Variants in FER observed in about 807,000 individuals in gnomAD.
FER encodes FER tyrosine kinase, also known as tyrosine-protein kinase Fer.
Under a neutral mutation model 111.0 loss-of-function variants are expected in FER, and 63 were observed. The ratio of observed to expected loss-of-function variants is 0.57; its 90% confidence interval spans 0.46 to 0.70. The LOEUF is 0.70. Ranked by LOEUF, FER falls within the 30% of genes least tolerant of loss-of-function variation. The probability of loss-of-function intolerance (pLI) is 0.00; values close to 1 mark genes in which losing one functional copy is unlikely to be tolerated. For synonymous variants in FER, 327 were observed against 313.9 expected (o/e 1.04, Z -0.44); for missense variants, 914 against 954.0 (o/e 0.96, Z 0.55).
chr5:109,100,125 T>G (rs1239714870), intron 16 of FER, among the ~76,000 whole-genome samples: 1 of 151,886 alleles, frequency 6.6e-6, no homozygotes, highest in East Asian at 1.9e-4. Context: ...AAAAGTATGA[T>G]TTTTGTATAT....
chr5:108,772,758 T>C (rs1002756351), intron 2 of FER, among the ~76,000 whole-genome samples: 2 of 152,208 alleles, frequency 1.3e-5, no homozygotes, highest in South Asian at 2.1e-4. Flanking sequence ...TAGTCAGCAA[T>C]TGAAATTCAA....
chr5:108,929,566 C>T (rs1177722344), intron 10 of FER, among the ~76,000 whole-genome samples: 1 of 151,642 alleles, frequency 6.6e-6, no homozygotes, highest in Non-Finnish European at 1.5e-5. Context: ...GTACATGATC[C>T]TTTTAAGGAA....
intron 11 of FER, among the ~76,000 whole-genome samples, chr5:108,946,492 CA>C (rs1362348754): frequency 6.6e-6 from 1 of 151,766 alleles, no homozygotes; most frequent in Admixed American, 6.6e-5. Flanking sequence ...TTACAATATA[CA>C]AATAATTATG....
intron 10 of FER, among the ~76,000 whole-genome samples, chr5:108,899,859 G>C (rs150484154): frequency 7.3e-4 from 111 of 151,804 alleles, no homozygotes; most frequent in African/African-American, 2.5e-3. Context: ...AATCATTGAA[G>C]AAAAGTTTTG....
At chr5:109,151,360 C>T (rs185412618) in intron 17 of FER, among the ~76,000 whole-genome samples, 110 of 152,070 alleles carry the variant, frequency 7.2e-4, no homozygotes, top group Non-Finnish European at 1.2e-3. Context: ...ACTCCAAAGA[C>T]CATAAAACAA....
intron 10 of FER, among the ~76,000 whole-genome samples, chr5:108,923,811 C>T (rs368272670): frequency 1.3e-5 from 2 of 152,008 alleles, no homozygotes; most frequent in African/African-American, 2.4e-5. Context: ...ATCATTTACA[C>T]ATAATTTATA....
chr5:108,797,578 T>C (rs565306720), intron 2 of FER, among the ~76,000 whole-genome samples: 1 of 152,328 alleles, frequency 6.6e-6, no homozygotes, highest in East Asian at 1.9e-4. Flanking sequence ...CCAAGCATAC[T>C]CTGTGCACCA....
chr5:108,883,136 A>G (rs958322427), intron 8 of FER, among the ~76,000 whole-genome samples: 1 of 151,968 alleles, frequency 6.6e-6, no homozygotes, highest in Non-Finnish European at 1.5e-5. Flanking sequence ...ACTCTAGACC[A>G]GTATTGCCCG....
chr5:108,959,319 G>A lies in FER; in HGVS notation c.1628G>A (p.Gly543Asp). 1 of 1,611,534 alleles carries A rather than the reference G, an allele frequency of 6.2e-7. No individual in the cohort carries two copies. Among genetic ancestry groups the A allele is most frequent in the Non-Finnish European group, 8.5e-7 (1 of 1,178,528 alleles). Residue 543 changes from glycine (G) to aspartate (D), a missense_variant, in exon 13 of 20, where the codon GGT (glycine) becomes GAT (aspartate). Transcript: ENST00000281092. ...AAACAGGTCATCACTAAGAAATCAG[G>A]TGTAGTTCTGCTGAATCCTATTCCT... is the stretch of plus-strand genomic sequence containing the variant. ...TTKQVITKKSGVVLLNPIPKD... is the reference protein window; with the variant it reads ...TTKQVITKKSDVVLLNPIPKD...
chr5:109,129,668 G>A (rs1346715744), intron 17 of FER, among the ~76,000 whole-genome samples: 2 of 151,990 alleles, frequency 1.3e-5, no homozygotes, highest in Non-Finnish European at 2.9e-5. Flanking sequence ...AACACGAACA[G>A]TAAGTTCATT....
chr5:108,884,029 G>A (rs1325340021), intron 9 of FER, among the ~76,000 whole-genome samples: 1 of 151,946 alleles, frequency 6.6e-6, no homozygotes, highest in African/African-American at 2.4e-5. Context: ...CTTTACTTGT[G>A]TTGGTATACT....
rs112328583 is a variant in FER at position 108,789,602 on chromosome 5, TTTC to T, written c.-59-8510_-59-8508del. 1.1e-4 allele frequency among the ~76,000 whole-genome samples: 16 copies of T among 150,558 alleles called. No individual in the cohort carries two copies. The Middle Eastern group carries it at 0.01, about 97-fold the overall frequency. On this transcript the variant is annotated intron_variant, in intron 2 of 19. Coordinates refer to ENST00000281092, the MANE Select transcript of FER (RefSeq NM_005246.4). The stretch of plus-strand genomic sequence containing the variant: ...AATATCTACCAACAGGAATTTTCTT[TTTC>T]TTCTTCTTCTTTTTTTTTTTTAAAA...
intron 1 of FER, among the ~76,000 whole-genome samples, chr5:108,749,518 C>T (rs1183831260): frequency 6.6e-6 from 1 of 152,128 alleles, no homozygotes; most frequent in African/African-American, 2.4e-5. Flanking sequence ...ATTCTCAACC[C>T]CTGGTATTCC....
intron 2 of FER, among the ~76,000 whole-genome samples, chr5:108,797,334 T>C (rs1756141915): frequency 6.6e-6 from 1 of 151,890 alleles, no homozygotes; most frequent in Admixed American, 6.6e-5. Flanking sequence ...CTGGCCGGGG[T>C]GCAGAAGGGG....
chr5:109,053,678 T>A (rs1395894406), intron 16 of FER, among the ~76,000 whole-genome samples: 3 of 150,106 alleles, frequency 2.0e-5, no homozygotes, highest in Non-Finnish European at 4.4e-5. Context: ...TTTTTATTGC[T>A]GAGTGGAGTT....
intron 10 of FER, among the ~76,000 whole-genome samples, chr5:108,902,414 T>A (rs1347813650): frequency 6.6e-6 from 1 of 152,228 alleles, no homozygotes; most frequent in African/African-American, 2.4e-5. Flanking sequence ...CATTAGTTTG[T>A]GGGATGTTAA....
At chr5:109,102,078 A>G (rs1038217209) in intron 17 of FER, among the ~76,000 whole-genome samples, 3 of 152,102 alleles carry the variant, frequency 2.0e-5, no homozygotes. Flanking sequence ...TTATTTTCTT[A>G]AAAAATGGGT....
At chr5:108,753,135 A>G (rs1750683893) in intron 1 of FER, among the ~76,000 whole-genome samples, 1 of 152,070 alleles carries the variant, frequency 6.6e-6, no homozygotes, top group Non-Finnish European at 1.5e-5. Context: ...GAAGTATTAA[A>G]CTGACTTTAG....
chr5:109,128,673 G>C, intron 17 of FER, among the ~76,000 whole-genome samples: 1 of 151,996 alleles, frequency 6.6e-6, no homozygotes, highest in East Asian at 1.9e-4. Flanking sequence ...GGTTAACCAA[G>C]CATAAATTTC....
Sources: gnomAD v4.1 joint callset for allele counts (sites outside exome capture counted in the v4.1 genomes callset) on GRCh38, gnomAD v4.1.1 for gene constraint, MANE v1.5 for transcripts, NCBI Gene and HGNC (gene_info 2026-07-23, HGNC 2026-07-21) for gene names.